UBE2U: variants seen among roughly 807,000 people sequenced by gnomAD.
UBE2U encodes the protein ubiquitin-conjugating enzyme E2 U.
In UBE2U, 39 loss-of-function variants were observed where a neutral mutation model predicts 41.2. That is an observed-to-expected ratio of 0.95 (90% CI 0.73 to 1.24). The LOEUF (loss-of-function observed/expected upper bound fraction) is 1.24. UBE2U is among the 50% of genes most tolerant of loss of function. The pLI, the probability that UBE2U is intolerant of heterozygous loss-of-function variation, is 0.00. For missense variants in UBE2U, 336 were observed against 363.1 expected (o/e 0.93, Z 0.61); for synonymous variants, 107 against 117.8 (o/e 0.91, Z 0.60).
rs760791689 is a variant in UBE2U at position 64,205,640 on chromosome 1, G to A, written c.68G>A (p.Gly23Asp). ...TTTAATTTTGTTTTTAACTTCAAGGGTATCACTGCTAAGCCTGTAAGTGAA... is the reference window on the plus strand; with the variant it reads ...TTTAATTTTGTTTTTAACTTCAAGGATATCACTGCTAAGCCTGTAAGTGAA... ...FCDLKENNYK[G>D]ITAKPVSEDM... is the part of the protein sequence containing the mutation. The change falls in exon 2 of 10, where the codon GGT becomes GAT. Residue 23 changes from glycine to aspartate, a missense_variant and splice_region_variant. Physicochemically the swap from Gly to Asp is moderately conservative, Grantham distance 94. Coordinates refer to ENST00000371077, the MANE Select transcript of UBE2U (RefSeq NM_001366232.2). 1.2e-6 allele frequency: 2 copies of A among 1,608,052 alleles called. No individual in the cohort carries two copies. The highest frequency in any genetic ancestry group is 4.5e-5 in the East Asian group (2 of 44,630).
chr1:64,257,036 T>C lies in UBE2U; in HGVS notation c.678-3567T>C, dbSNP rs150008566. Among the ~76,000 whole-genome samples the C allele has an allele frequency of 4.3e-4, 66 of 151,970 alleles. 1 individual carries two copies. The East Asian group carries it at 0.012, about 28-fold the overall frequency. ...TGACTGATCATTAGAGAAATGTAAA[T>C]CAAAACCACAATGAGATAATCAAAA... is the stretch of plus-strand genomic sequence containing the variant. On this transcript the variant is annotated intron_variant, in intron 8 of 9. Transcript: ENST00000371077.
intron 5 of UBE2U, among the ~76,000 whole-genome samples, chr1:64,219,772 A>AT (rs950865362): frequency 4.0e-5 from 6 of 151,364 alleles, no homozygotes; most frequent in Admixed American, 2.6e-4. Context: ...ATTTTTTTGT[A>AT]TTTTTTTAGT....
intron 6 of UBE2U, 128 bp from the exon 7 acceptor site, chr1:64,232,433 T>C: frequency 1.8e-6 from 1 of 557,332 alleles, no homozygotes; most frequent in Non-Finnish European, 3.1e-6. Context: ...AAAATGCATG[T>C]TACAATTTGC....
intron 2 of UBE2U, among the ~76,000 whole-genome samples, chr1:64,206,167 A>G (rs902308770): frequency 1.3e-5 from 2 of 152,150 alleles, no homozygotes; most frequent in African/African-American, 4.8e-5. Context: ...GCCACTATAA[A>G]CTTTAATGCT....
intron 7 of UBE2U, among the ~76,000 whole-genome samples, chr1:64,239,092 GGAAGAAGAAGAAGAAGAAGAAGAA>G (rs1221201927): frequency 7.0e-5 from 3 of 42,802 alleles, no homozygotes; most frequent in East Asian, 7.7e-4. Flanking sequence ...AAGAGGAAGA[GGAAGAAGAAGAAGAAGAAGAAGAA>G]GAAGAAGAAG....
At chr1:64,261,376 T>C (rs1027331502) in intron 9 of UBE2U, among the ~76,000 whole-genome samples, 1 of 152,200 alleles carries the variant, frequency 6.6e-6, no homozygotes, top group Admixed American at 6.6e-5. Context: ...ACAGGATTCT[T>C]ATGACTAAGT....
At chr1:64,235,666 G>A (rs1220064427) in intron 7 of UBE2U, among the ~76,000 whole-genome samples, 3 of 152,114 alleles carry the variant, frequency 2.0e-5, no homozygotes, top group African/African-American at 7.2e-5. Flanking sequence ...TCTTTTATGA[G>A]TAGTGGTAAG....
intron 6 of UBE2U, among the ~76,000 whole-genome samples, chr1:64,229,195 A>G (rs1192788889): frequency 2.0e-5 from 3 of 151,990 alleles, no homozygotes; most frequent in Non-Finnish European, 4.4e-5. Context: ...GGGTTTCACC[A>G]TGTTGGCCAG....
intron 6 of UBE2U, among the ~76,000 whole-genome samples, chr1:64,225,124 A>C (rs1309333994): frequency 1.3e-5 from 2 of 152,228 alleles, no homozygotes; most frequent in African/African-American, 4.8e-5. Flanking sequence ...ATGAAGATTA[A>C]ATGAGTTAAG....
chr1:64,204,021 G>T lies in UBE2U; in HGVS notation c.-30G>T. The stretch of plus-strand genomic sequence containing the variant: ...CTCAGAGTAAACCTGAGGCATTTGG[G>T]GACAAGTGTCAGACCCTCCGCTGCC... On this transcript the variant is annotated 5_prime_UTR_variant, in exon 1 of 10. Coordinates refer to ENST00000371077, the MANE Select transcript of UBE2U (RefSeq NM_001366232.2). 1.2e-6 allele frequency: 2 copies of T among 1,605,830 alleles called. No homozygotes were observed. Among genetic ancestry groups the T allele is most frequent in the African/African-American group, 2.7e-5 (2 of 74,782 alleles).
intron 8 of UBE2U, among the ~76,000 whole-genome samples, chr1:64,257,974 A>G (rs1471164965): frequency 6.6e-6 from 1 of 152,156 alleles, no homozygotes; most frequent in East Asian, 1.9e-4. Context: ...CTGATAAAGC[A>G]TATTTATTTC....
In UBE2U at chr1:64,267,070, C is replaced by T. The variant is rs1645265478; in HGVS notation, c.816C>T (p.Asp272=). The T allele has an allele frequency of 1.9e-6, 3 of 1,550,148 alleles. No individual in the cohort carries two copies. The highest frequency in any genetic ancestry group is 3.9e-5 in the Admixed American group (2 of 50,922). ...CAACTGCAATAAATAGCATCACAGA[C>T]ATTTATGAAACAGAAGAGGAGGGGT... ...ESPTAINSIT[D]IYETEEEGWK... is the part of the protein sequence containing the mutation. The change falls in exon 10 of 10, where the codon GAC becomes GAT. Residue 272 remains aspartate, a synonymous_variant. Coordinates refer to ENST00000371077, the MANE Select transcript of UBE2U (RefSeq NM_001366232.2).
intron 2 of UBE2U, among the ~76,000 whole-genome samples, 164 bp from the exon 3 acceptor site, chr1:64,206,600 G>A (rs1360444547): frequency 3.3e-5 from 5 of 151,970 alleles, no homozygotes; most frequent in African/African-American, 1.2e-4. Context: ...ATTGTGAAGT[G>A]TCTGTTATAC....
intron 3 of UBE2U, among the ~76,000 whole-genome samples, chr1:64,209,685 G>A (rs1462057970): frequency 6.1e-5 from 4 of 65,472 alleles, no homozygotes; most frequent in South Asian, 6.9e-4. Context: ...CCCCGCCCCC[G>A]CCCGCCCCGC....
chr1:64,229,684 T>C (rs928850309), intron 6 of UBE2U, among the ~76,000 whole-genome samples: 6 of 152,210 alleles, frequency 3.9e-5, no homozygotes, highest in African/African-American at 1.4e-4. Flanking sequence ...AGGCTTTCGT[T>C]GTGGCTGGGA....
chr1:64,261,771 A>G (rs1645183808), intron 9 of UBE2U, among the ~76,000 whole-genome samples: 1 of 152,112 alleles, frequency 6.6e-6, no homozygotes, highest in African/African-American at 2.4e-5. Flanking sequence ...CTGTCTTTCA[A>G]CATCCCCACC....
chr1:64,244,958 C>A (rs964648972), intron 8 of UBE2U, among the ~76,000 whole-genome samples: 1 of 152,114 alleles, frequency 6.6e-6, no homozygotes, highest in African/African-American at 2.4e-5. Context: ...AATTGAGTTG[C>A]AAACTTTTAA....
rs577840849 is a variant in UBE2U, at chr1:64,262,996, A to C, written c.769+2302A>C. 4.8e-4 allele frequency among the ~76,000 whole-genome samples: 73 copies of C among 152,254 alleles called. 1 individual carries two copies. The highest frequency in any genetic ancestry group is 1.6e-3 in the African/African-American group (65 of 41,554). On this transcript the variant is annotated intron_variant, in intron 9 of 9. Coordinates refer to ENST00000371077, the MANE Select transcript of UBE2U (RefSeq NM_001366232.2). ...GTAAGTAAATAGTAGGATGAAGTAA[A>C]ATTGTCATGTTTTTATCTGCCTTGT...
chr1:64,253,417 C>T (rs764072668), intron 8 of UBE2U, among the ~76,000 whole-genome samples: 10 of 152,000 alleles, frequency 6.6e-5, no homozygotes, highest in Non-Finnish European at 8.8e-5. Context: ...CCAGAGAACC[C>T]CAGTAAGATA....
Sources: gnomAD v4.1 joint callset for allele counts (sites outside exome capture counted in the v4.1 genomes callset) on GRCh38, gnomAD v4.1.1 for gene constraint, MANE v1.5 for transcripts, NCBI Gene and HGNC (gene_info 2026-07-23, HGNC 2026-07-21) for gene names.